Variants in FHIT observed in about 807,000 individuals in gnomAD.
The protein encoded by FHIT is fragile histidine triad diadenosine triphosphatase.
In FHIT, 19 loss-of-function variants were observed where a neutral mutation model predicts 17.9. The ratio of observed to expected loss-of-function variants is 1.06; its 90% CI spans 0.74 to 1.56. The LOEUF is 1.56. FHIT is among the 40% of genes most tolerant of loss of function. The probability of loss-of-function intolerance (pLI) is 0.00; values close to 1 mark genes in which losing one functional copy is unlikely to be tolerated. For missense variants in FHIT, 248 were observed against 189.2 expected (o/e 1.31, Z -1.82); for synonymous variants, 81 against 69.7 (o/e 1.16, Z -0.81).
At position 61,167,129 on chromosome 3, in the gene FHIT, G is replaced by A. The variant is rs1399847250; in HGVS notation, c.-164+33488C>T. On this transcript the variant is annotated intron_variant, in intron 2 of 9. Coordinates refer to ENST00000492590, the MANE Select transcript of FHIT (RefSeq NM_002012.4). The stretch of plus-strand genomic sequence containing the variant: ...AAGTGGAAATATGAGTTGACAGAAT[G>A]GGTGATTTAGAAACGGATTATCTAC... 3 of 152,042 alleles carry A rather than the reference G, an allele frequency of 2.0e-5. No individual in the cohort carries two copies. The East Asian group carries it at 5.8e-4, about 29-fold the overall frequency. 9.4% of individuals were successfully genotyped at this position (152,042 alleles called of 1,614,324 possible).
chr3:61,041,323 G>A (rs1171709108), intron 3 of FHIT, among the ~76,000 whole-genome samples: 1 of 151,798 alleles, frequency 6.6e-6, no homozygotes, highest in Admixed American at 6.6e-5. Context: ...GTTGCGGTGA[G>A]CTGAGATCAC....
intron 5 of FHIT, among the ~76,000 whole-genome samples, chr3:60,188,227 T>TTTA (rs56334254): frequency 1.3e-5 from 2 of 148,828 alleles, no homozygotes; most frequent in Admixed American, 6.7e-5. Flanking sequence ...TTTTTTTTTT[T>TTTA]ACCATTATTA....
chr3:61,060,255 T>C (rs544094744), intron 2 of FHIT, among the ~76,000 whole-genome samples: 11 of 152,350 alleles, frequency 7.2e-5, no homozygotes, highest in African/African-American at 1.9e-4. Context: ...AAATATGCCA[T>C]AGGAACTTAA....
At chr3:60,488,598 A>C (rs2033938341) in intron 5 of FHIT, among the ~76,000 whole-genome samples, 1 of 152,128 alleles carries the variant, frequency 6.6e-6, no homozygotes, top group Non-Finnish European at 1.5e-5. Context: ...ACAGCAGGGT[A>C]GGGGATATTC....
chr3:59,785,816 G>A (rs910797179), intron 8 of FHIT, among the ~76,000 whole-genome samples: 5 of 152,212 alleles, frequency 3.3e-5, no homozygotes, highest in African/African-American at 4.8e-5. Flanking sequence ...AGAAGGTGGA[G>A]TGGGCAGGAG....
chr3:60,090,673 G>T (rs534593029), intron 5 of FHIT, among the ~76,000 whole-genome samples: 1 of 152,290 alleles, frequency 6.6e-6, no homozygotes, highest in East Asian at 1.9e-4. Context: ...ACATGCTGGG[G>T]TCTTGAATAG....
chr3:60,858,810 G>A (rs2594127), intron 3 of FHIT, among the ~76,000 whole-genome samples: 2 of 152,244 alleles, frequency 1.3e-5, no homozygotes, highest in South Asian at 4.1e-4. Flanking sequence ...AAGATTCCTA[G>A]CAGTGCTCAT....
At chr3:60,608,100 G>A (rs1355714155) in intron 4 of FHIT, among the ~76,000 whole-genome samples, 1 of 152,140 alleles carries the variant, frequency 6.6e-6, no homozygotes, top group Non-Finnish European at 1.5e-5. Context: ...GAGCCCTCAG[G>A]GGTGTACACT....
At chr3:60,839,279 T>A (rs1702638430) in intron 3 of FHIT, among the ~76,000 whole-genome samples, 1 of 152,176 alleles carries the variant, frequency 6.6e-6, no homozygotes, top group Non-Finnish European at 1.5e-5. Context: ...TATCAAAATT[T>A]AGTTTATGGA....
At chr3:60,669,570 C>T (rs782035412) in intron 4 of FHIT, among the ~76,000 whole-genome samples, 3 of 152,058 alleles carry the variant, frequency 2.0e-5, no homozygotes, top group Non-Finnish European at 4.4e-5. Flanking sequence ...AGTAGGGGAA[C>T]ATGATGAATT....
Position 61,128,601 on chromosome 3 carries a change from C to G in FHIT, c.-164+72016G>C, listed in dbSNP as rs116144124. 3.5e-3 allele frequency among the ~76,000 whole-genome samples: 537 copies of G among 152,062 alleles called. 5 individuals are homozygous for G. The highest frequency in any genetic ancestry group is 0.013 in the African/African-American group (520 of 41,494). On this transcript the variant is annotated intron_variant, in intron 2 of 9. Transcript: ENST00000492590. Reference sequence around the variant, plus strand: ...CCTAGTTTGGTGTTCTCTTTGTGTGCCAAAGAAATGATTATCCCCCAAAAG... The same window carrying G: ...CCTAGTTTGGTGTTCTCTTTGTGTGGCAAAGAAATGATTATCCCCCAAAAG...
chr3:60,732,299 GA>G, intron 4 of FHIT: 1 of 947,458 alleles, frequency 1.1e-6, no homozygotes. Context: ...CAGGGCACAT[GA>G]AAAACTGGGA....
intron 2 of FHIT, among the ~76,000 whole-genome samples, chr3:61,190,789 G>T (rs2038689268): frequency 6.6e-6 from 1 of 152,092 alleles, no homozygotes; most frequent in South Asian, 2.1e-4. Flanking sequence ...TAGGGACATG[G>T]ATGAAGCTGG....
At chr3:60,693,804 A>G (rs1466877313) in intron 4 of FHIT, among the ~76,000 whole-genome samples, 3 of 152,192 alleles carry the variant, frequency 2.0e-5, no homozygotes, top group Non-Finnish European at 4.4e-5. Flanking sequence ...TTACAACATC[A>G]GGCTTCTCAC....
intron 5 of FHIT, among the ~76,000 whole-genome samples, chr3:60,153,517 C>T (rs571576286): frequency 3.3e-5 from 5 of 152,110 alleles, no homozygotes; most frequent in Admixed American, 6.5e-5. Flanking sequence ...TTGGTTTCTA[C>T]AAAATTCTTC....
At chr3:60,766,694 T>C (rs1699866218) in intron 4 of FHIT, among the ~76,000 whole-genome samples, 1 of 152,218 alleles carries the variant, frequency 6.6e-6, no homozygotes, top group South Asian at 2.1e-4. Flanking sequence ...CCAGAGATCA[T>C]GGTGTTCCTA....
At chr3:60,804,848 G>T (rs1701328383) in intron 4 of FHIT, among the ~76,000 whole-genome samples, 1 of 152,164 alleles carries the variant, frequency 6.6e-6, no homozygotes, top group Admixed American at 6.5e-5. Flanking sequence ...CCTCCTCCGA[G>T]GAGACTTCTC....
At chr3:60,731,601 C>G (rs1210169543) in intron 4 of FHIT, among the ~76,000 whole-genome samples, 5 of 152,080 alleles carry the variant, frequency 3.3e-5, no homozygotes, top group Non-Finnish European at 7.4e-5. Context: ...AGGCATGCTT[C>G]CCTTACCTAT....
chr3:60,206,724 G>A lies in FHIT; in HGVS notation c.104-192572C>T, dbSNP rs115709126. ...TTTAAAGAAAATGCCAACTCGGTAA[G>A]CATTTCTAAGTGGACAGGCTATTTC... is the stretch of plus-strand genomic sequence containing the variant. On this transcript the variant is annotated intron_variant, in intron 5 of 9. Coordinates refer to ENST00000492590, the MANE Select transcript of FHIT (RefSeq NM_002012.4). 4.3e-3 allele frequency among the ~76,000 whole-genome samples: 656 copies of A among 152,256 alleles called. 1 individual carries two copies. The highest frequency in any genetic ancestry group is 0.015 in the African/African-American group (620 of 41,566).
Sources: gnomAD v4.1 joint callset for allele counts (sites outside exome capture counted in the v4.1 genomes callset) on GRCh38, gnomAD v4.1.1 for gene constraint, MANE v1.5 for transcripts, NCBI Gene and HGNC (gene_info 2026-07-23, HGNC 2026-07-21) for gene names.